Variants in NPAS3 observed in about 807,000 individuals in gnomAD.
The protein encoded by NPAS3 is neuronal PAS domain protein 3.
A neutral mutation model predicts 73.1 loss-of-function variants in NPAS3; 14 were observed. That is an observed-to-expected ratio of 0.19 (90% CI 0.13 to 0.30). The LOEUF is 0.30. Among genes scored for constraint, NPAS3 ranks in the 10% least tolerant of loss-of-function variants. NPAS3 has a pLI of 1.00. For missense variants in NPAS3, 1,096 were observed against 1,250.0 expected (o/e 0.88, Z 1.86); for synonymous variants, 620 against 541.5 (o/e 1.14, Z -2.01).
At chr14:33,307,577 A>G (rs936225311) in intron 3 of NPAS3, among the ~76,000 whole-genome samples, 4 of 63,124 alleles carry the variant, frequency 6.3e-5, no homozygotes, top group African/African-American at 2.7e-4. Context: ...TTTTCACCTC[A>G]CCAGGTTTTT....
At chr14:33,129,950 C>T (rs1212361949) in intron 2 of NPAS3, among the ~76,000 whole-genome samples, 2 of 152,116 alleles carry the variant, frequency 1.3e-5, no homozygotes, top group African/African-American at 2.4e-5. Context: ...AGCAACAGAT[C>T]ATACCATCTG....
At chr14:33,709,715 TAATG>T (rs2060763760) in intron 6 of NPAS3, among the ~76,000 whole-genome samples, 1 of 152,216 alleles carries the variant, frequency 6.6e-6, no homozygotes, top group Non-Finnish European at 1.5e-5. Flanking sequence ...TACCGCCTGC[TAATG>T]AACAGCCAAG....
chr14:33,787,585 A>G (rs2063215789), intron 9 of NPAS3, among the ~76,000 whole-genome samples: 1 of 121,476 alleles, frequency 8.2e-6, no homozygotes, highest in Admixed American at 9.0e-5. Flanking sequence ...AATATTGCTC[A>G]GCATATAGAT....
chr14:33,490,539 A>G (rs1422959109), intron 4 of NPAS3, among the ~76,000 whole-genome samples: 2 of 152,034 alleles, frequency 1.3e-5, no homozygotes, highest in East Asian at 3.9e-4. Context: ...TAGATATTCC[A>G]TATTTCCATG....
intron 4 of NPAS3, among the ~76,000 whole-genome samples, chr14:33,452,703 A>T (rs764374261): frequency 8.6e-5 from 11 of 127,814 alleles, no homozygotes; most frequent in Non-Finnish European, 1.6e-4. Flanking sequence ...TGAATTCGGG[A>T]GGTGGAGTTT....
intron 2 of NPAS3, among the ~76,000 whole-genome samples, chr14:33,173,415 T>C (rs1282601630): frequency 2.0e-5 from 3 of 152,162 alleles, no homozygotes; most frequent in Admixed American, 6.5e-5. Context: ...ATAGGAACTG[T>C]CCTATTTGGT....
intron 4 of NPAS3, among the ~76,000 whole-genome samples, chr14:33,436,033 A>C (rs2048974774): frequency 6.6e-6 from 1 of 152,204 alleles, no homozygotes; most frequent in African/African-American, 2.4e-5. Flanking sequence ...CAGCCATAAA[A>C]GAGGAGTCAG....
At chr14:33,114,225 G>A (rs1470963226) in intron 2 of NPAS3, among the ~76,000 whole-genome samples, 1 of 151,976 alleles carries the variant, frequency 6.6e-6, no homozygotes, top group Non-Finnish European at 1.5e-5. Context: ...TAGTAGAGAT[G>A]GGTTTTTGCC....
chr14:33,207,322 G>A (rs1015595332), intron 2 of NPAS3, among the ~76,000 whole-genome samples: 1 of 150,602 alleles, frequency 6.6e-6, no homozygotes. Flanking sequence ...GCATGCAGTT[G>A]CCTAATGAGT....
intron 1 of NPAS3, among the ~76,000 whole-genome samples, chr14:33,050,261 TTTTTG>T (rs2040655925): frequency 6.6e-6 from 1 of 152,198 alleles, no homozygotes; most frequent in Admixed American, 6.5e-5. Context: ...CAGTTGGGTT[TTTTTG>T]TTTTTTGTTT....
intron 3 of NPAS3, among the ~76,000 whole-genome samples, chr14:33,335,642 A>G (rs975117055): frequency 1.3e-5 from 2 of 152,134 alleles, no homozygotes; most frequent in Non-Finnish European, 2.9e-5. Flanking sequence ...GCTAAGTGAC[A>G]CATAGTTTAG....
At chr14:33,564,526 A>G (rs1337305749) in intron 5 of NPAS3, among the ~76,000 whole-genome samples, 1 of 152,184 alleles carries the variant, frequency 6.6e-6, no homozygotes, top group Non-Finnish European at 1.5e-5. Flanking sequence ...TCGGAGAGCG[A>G]TGTTCTGTTC....
intron 3 of NPAS3, among the ~76,000 whole-genome samples, chr14:33,244,293 T>G (rs1265676990): frequency 1.3e-5 from 2 of 152,312 alleles, no homozygotes; most frequent in Non-Finnish European, 2.9e-5. Flanking sequence ...CAATAAATGT[T>G]TTAGAAATTA....
At chr14:33,492,123 C>T (rs2051927001) in intron 4 of NPAS3, among the ~76,000 whole-genome samples, 1 of 152,104 alleles carries the variant, frequency 6.6e-6, no homozygotes, top group Admixed American at 6.5e-5. Flanking sequence ...ATCTCACTCA[C>T]TTAGGGATCT....
chr14:33,154,465 C>T (rs187120147), intron 2 of NPAS3, among the ~76,000 whole-genome samples: 3 of 152,300 alleles, frequency 2.0e-5, no homozygotes, highest in African/African-American at 4.8e-5. Flanking sequence ...TCTCCTGCTT[C>T]GTGGTTTATA....
intron 10 of NPAS3, among the ~76,000 whole-genome samples, chr14:33,796,873 C>A (rs1177894396): frequency 2.0e-5 from 3 of 152,212 alleles, no homozygotes; most frequent in Non-Finnish European, 4.4e-5. Flanking sequence ...CAGGTGTACA[C>A]CACACGAGCA....
chr14:33,176,111 T>C (rs1268417647), intron 2 of NPAS3, among the ~76,000 whole-genome samples: 1 of 152,194 alleles, frequency 6.6e-6, no homozygotes, highest in East Asian at 1.9e-4. Context: ...ATAGTTGTGA[T>C]TTATACACTA....
chr14:33,145,097 C>T (rs150473076), intron 2 of NPAS3, among the ~76,000 whole-genome samples: 2 of 152,162 alleles, frequency 1.3e-5, no homozygotes, highest in African/African-American at 4.8e-5. Context: ...ATATTTGATG[C>T]CAACCAGAAT....
At chr14:33,024,118 GTA>G (rs1302429353) in intron 1 of NPAS3, among the ~76,000 whole-genome samples, 1 of 147,676 alleles carries the variant, frequency 6.8e-6, no homozygotes, top group African/African-American at 2.6e-5. Flanking sequence ...ATATATATGT[GTA>G]TATATATGTG....
Sources: allele counts gnomAD v4.1 joint callset (sites outside exome capture counted in the v4.1 genomes callset), GRCh38; gene constraint gnomAD v4.1.1; transcripts MANE v1.5; gene names NCBI Gene and HGNC (gene_info 2026-07-23, HGNC 2026-07-21).